AKT1S1: variants seen among roughly 807,000 people sequenced by gnomAD.
The protein encoded by AKT1S1 is AKT1 substrate 1.
In AKT1S1, 17 loss-of-function variants were observed where a neutral mutation model predicts 21.2. That is an observed-to-expected ratio of 0.80 (90% CI 0.55 to 1.20). The LOEUF (loss-of-function observed/expected upper bound fraction) is 1.20. Ranked by LOEUF, AKT1S1 falls within the 50% of genes most tolerant of loss-of-function variation. The pLI is 0.00. For missense variants in AKT1S1, 366 were observed against 368.3 expected, an observed-to-expected ratio of 0.99 and a Z score of 0.05; for synonymous variants, 181 against 165.6, an observed-to-expected ratio of 1.09 and a Z score of -0.72.
chr19:49,871,176 G>C (rs953647680), intron 4 of AKT1S1, among the ~76,000 whole-genome samples: 3 of 152,148 alleles, frequency 2.0e-5, no homozygotes, highest in African/African-American at 7.2e-5. Context: ...AGGGGACCAG[G>C]GGGTGGGACA....
chr19:49,873,877 C>T lies in AKT1S1; in HGVS notation c.-7-575G>A, dbSNP rs1429918564. On this transcript the variant is annotated intron_variant, in intron 1 of 4. Transcript: ENST00000344175. This position sits in a 1 kb window ranked among gnomAD's most constrained non-coding sequence, Gnocchi z 6.9. ...CATGGTGTCTAGAAAATTTAGAATT[C>T]CACGTGGGGCTTGTGTTGAATTTGA... is the stretch of plus-strand genomic sequence containing the variant. 6.6e-6 allele frequency: 1 copy of T among 152,032 alleles called. No individual in the cohort carries two copies. Among genetic ancestry groups the T allele is most frequent in the African/African-American group, 2.4e-5 (1 of 41,382 alleles). The allele number at this position is 152,032 out of a possible 1,614,324, so 9.4% of individuals were successfully genotyped here. A position where few individuals can be genotyped will look rare whatever the true frequency, so the allele number is the denominator to read the frequency against.
chr19:49,877,697 G>C (rs765040621), upstream of AKT1S1: 2 of 1,598,760 alleles, frequency 1.3e-6, no homozygotes, highest in Non-Finnish European at 1.7e-6. Flanking sequence ...AGGAGGAGGC[G>C]GGGCAGTGGG....
chr19:49,871,943 A>G, intron 2 of AKT1S1, 54 bp from the exon 3 acceptor site: 1 of 1,575,168 alleles, frequency 6.3e-7, no homozygotes, highest in Non-Finnish European at 8.7e-7. Flanking sequence ...GCCATGCTCC[A>G]TGTGTCCTCC....
intron 4 of AKT1S1, among the ~76,000 whole-genome samples, chr19:49,870,904 C>T (rs1173566326): frequency 6.6e-6 from 1 of 152,214 alleles, no homozygotes; most frequent in Non-Finnish European, 1.5e-5. Flanking sequence ...ACCACTGTGA[C>T]TGCTGGTTTG....
chr19:49,875,711 T>C (rs2074932507), intron 1 of AKT1S1, among the ~76,000 whole-genome samples: 1 of 151,882 alleles, frequency 6.6e-6, no homozygotes, highest in African/African-American at 2.4e-5. Flanking sequence ...AGCCACGGGA[T>C]TAAAGAGTGA....
chr19:49,871,869 C>T lies in AKT1S1; in HGVS notation c.400G>A (p.Asp134Asn). ...GGGGGAAGGTCCTGGAGGGTGGCGTCCTCATCCATCACAAAGAGCCCTGTG... is the reference window on the plus strand; with the variant it reads ...GGGGGAAGGTCCTGGAGGGTGGCGTTCTCATCCATCACAAAGAGCCCTGTG... The part of the protein sequence containing the change: ...DNGGLFVMDE[D>N]ATLQDLPPFC... Residue 134 changes from aspartate (D) to asparagine (N), a missense_variant, in exon 3 of 5, where the codon GAC becomes AAC. Physicochemically the swap from Asp to Asn is conservative, Grantham distance 23 (BLOSUM62 1). Transcript: ENST00000344175. 2 of 1,613,086 alleles carry T rather than the reference C, an allele frequency of 1.2e-6. No individual in the cohort carries two copies. The highest frequency in any genetic ancestry group is 1.1e-5 in the South Asian group (1 of 91,042).
chr19:49,869,894 C>A lies in AKT1S1; in HGVS notation c.*23G>T, dbSNP rs905134453. ...TAGTGTGGGACGGGGCGGACGCGGCCCGGGGCGCTCCCTCCCTGGACTTCA... is the reference window on the plus strand; with the variant it reads ...TAGTGTGGGACGGGGCGGACGCGGCACGGGGCGCTCCCTCCCTGGACTTCA... On this transcript the variant is annotated 3_prime_UTR_variant, in exon 5 of 5. Transcript: ENST00000344175. 1.4e-6 allele frequency: 2 copies of A among 1,465,740 alleles called. No homozygotes were observed. The highest frequency in any genetic ancestry group is 2.9e-5 in the African/African-American group (2 of 69,340). The allele number at this position is 1,465,740 out of a possible 1,614,324, so 90.8% of individuals were successfully genotyped here.
chr19:49,878,073 C>A, upstream of AKT1S1: 7 of 1,302,532 alleles, frequency 5.4e-6, no homozygotes, highest in Non-Finnish European at 7.5e-6. Flanking sequence ...TCCCTGGGCC[C>A]GTCCCTATTG....
Position 49,873,418 on chromosome 19 carries a change from C to T in AKT1S1, c.-7-116G>A, listed in dbSNP as rs988399688. 7.3e-7 allele frequency: 1 copy of T among 1,360,704 alleles called. No individual in the cohort carries two copies. Among genetic ancestry groups the T allele is most frequent in the Non-Finnish European group, 9.4e-7 (1 of 1,062,304 alleles). The allele number at this position is 1,360,704 out of a possible 1,614,324, so 84.3% of individuals were successfully genotyped here. On this transcript the variant is annotated intron_variant, in intron 1 of 4. Transcript: ENST00000344175. This position sits in a 1 kb window ranked among gnomAD's most constrained non-coding sequence, Gnocchi z 6.9. ...ACTCACCACCCTCCACCCACCTTGT[C>T]CCAGCGGTGCTGTGTGTCCTCCCCA...
chr19:49,872,914 C>T lies in AKT1S1; in HGVS notation c.379+3G>A. 1 of 1,596,452 alleles carries T rather than the reference C, an allele frequency of 6.3e-7. No individual in the cohort carries two copies. The highest frequency in any genetic ancestry group is 1.1e-5 in the South Asian group (1 of 89,940). On this transcript the variant is annotated splice_donor_region_variant and intron_variant, in intron 2 of 4. Transcript: ENST00000344175. Reference sequence around the variant, plus strand: ...GCACCCGCCCCTGCCCCCACCCTCTCACCTCCATTATCACTAATGCCCAGC... The same window carrying T: ...GCACCCGCCCCTGCCCCCACCCTCTTACCTCCATTATCACTAATGCCCAGC...
In AKT1S1 at chr19:49,869,853, G is replaced by A. The variant is rs1600427781; in HGVS notation, c.*64C>T. Reference sequence around the variant, plus strand: ...TCGGCCTCAGATTAGCAGGCCCCGGGAGTGGGGCGGGGGCGTAGTGTGGGA... The same window carrying A: ...TCGGCCTCAGATTAGCAGGCCCCGGAAGTGGGGCGGGGGCGTAGTGTGGGA... On this transcript the variant is annotated 3_prime_UTR_variant, in exon 5 of 5. Coordinates refer to ENST00000344175, the MANE Select transcript of AKT1S1 (RefSeq NM_001098633.4). The A allele has an allele frequency of 2.2e-6, 3 of 1,370,106 alleles. No homozygotes were observed. The African/African-American group carries it at 4.5e-5, about 21-fold the overall frequency. The allele number at this position is 1,370,106 out of a possible 1,614,324, so 84.9% of individuals were successfully genotyped here.
upstream of AKT1S1, chr19:49,877,445 C>T: frequency 2.0e-6 from 1 of 496,496 alleles, no homozygotes; most frequent in Non-Finnish European, 3.6e-6. Context: ...GCTCTCAGAC[C>T]CTCCCACTTG....
At chr19:49,872,744 A>C (rs1181126798) in intron 2 of AKT1S1, among the ~76,000 whole-genome samples, 173 bp downstream of exon 2, 3 of 152,218 alleles carry the variant, frequency 2.0e-5, no homozygotes, top group Non-Finnish European at 4.4e-5. Flanking sequence ...AGAGCAGGGA[A>C]GGGACTGGCT....
upstream of AKT1S1, chr19:49,877,427 G>C (rs754160041): frequency 2.2e-6 from 1 of 457,644 alleles, no homozygotes; most frequent in South Asian, 3.3e-5. Flanking sequence ...CTTGCCCCAG[G>C]TGGTGCAGCT....
rs2074858924 is a variant in AKT1S1 at position 49,869,622 on chromosome 19, G to A, written c.*295C>T. ...TTGTCGCTAGGCGGAAAACAAAGGAGTTGACCCATTTAGAGCTTAGAACTC... is the reference window on the plus strand; with the variant it reads ...TTGTCGCTAGGCGGAAAACAAAGGAATTGACCCATTTAGAGCTTAGAACTC... On this transcript the variant is annotated 3_prime_UTR_variant, in exon 5 of 5. Coordinates refer to ENST00000344175, the MANE Select transcript of AKT1S1 (RefSeq NM_001098633.4). 6.3e-6 allele frequency: 2 copies of A among 316,476 alleles called. No homozygotes were observed. Among genetic ancestry groups the A allele is most frequent in the East Asian group, 1.0e-4 (2 of 19,810 alleles). The allele number at this position is 316,476 out of a possible 1,614,324, so 19.6% of individuals were successfully genotyped here. A position where few individuals can be genotyped will look rare whatever the true frequency, so the allele number is the denominator to read the frequency against.
chr19:49,878,167 T>C (rs2074976142), upstream of AKT1S1: 6 of 1,578,020 alleles, frequency 3.8e-6, no homozygotes, highest in Admixed American at 1.8e-5. Flanking sequence ...GGGCGGAGTG[T>C]ACCTGCACAC....
chr19:49,877,860 G>T (rs909921849), upstream of AKT1S1: 3 of 1,303,294 alleles, frequency 2.3e-6, no homozygotes, highest in Non-Finnish European at 3.2e-6. Context: ...GGCAAACACC[G>T]ATCTCTTATA....
chr19:49,870,120 C>G, intron 4 of AKT1S1, 60 bp from the exon 5 acceptor site: 2 of 1,428,550 alleles, frequency 1.4e-6, no homozygotes, highest in Non-Finnish European at 1.8e-6. Context: ...TGCACCCACA[C>G]GCGGTCCAGG....
chr19:49,876,689 C>T (rs1055613639), intron 1 of AKT1S1: 7 of 1,462,526 alleles, frequency 4.8e-6, no homozygotes, highest in Non-Finnish European at 6.3e-6. Flanking sequence ...CGCAGTTGCC[C>T]CGCCTCCTCT....
Sources: gnomAD v4.1 joint callset for allele counts (sites outside exome capture counted in the v4.1 genomes callset) on GRCh38, gnomAD v4.1.1 for gene constraint, Gnocchi (gnomAD v3.1) non-coding constraint, MANE v1.5 for transcripts, NCBI Gene and HGNC (gene_info 2026-07-23, HGNC 2026-07-21) for gene names.